HNRNPC: variants seen among roughly 807,000 people sequenced by gnomAD.
HNRNPC encodes heterogeneous nuclear ribonucleoprotein C.
Under a neutral mutation model 33.2 loss-of-function variants are expected in HNRNPC, and 3 were observed. The ratio of observed to expected loss-of-function variants is 0.09; its 90% CI spans 0.04 to 0.23. The LOEUF is 0.23. Among genes scored for constraint, HNRNPC ranks in the 10% least tolerant of loss-of-function variants. The pLI is 1.00. For missense variants in HNRNPC, 143 were observed against 366.7 expected, an observed-to-expected ratio of 0.39 and a Z score of 4.98; for synonymous variants, 121 against 126.7, an observed-to-expected ratio of 0.96 and a Z score of 0.30.
chr14:21,258,747 A>G (rs1877663412), intron 2 of HNRNPC, among the ~76,000 whole-genome samples: 1 of 152,200 alleles, frequency 6.6e-6, no homozygotes, highest in African/African-American at 2.4e-5. Flanking sequence ...ATAATTAGTA[A>G]TTTCCTGGAG....
chr14:21,244,034 T>C (rs983249676), intron 2 of HNRNPC, among the ~76,000 whole-genome samples: 2 of 151,850 alleles, frequency 1.3e-5, no homozygotes, highest in African/African-American at 4.8e-5. Flanking sequence ...CCTCCAAGTT[T>C]TTTTTTTTTT....
chr14:21,230,916 A>G (rs760119615), intron 4 of HNRNPC, 81 bp downstream of exon 4: 1 of 1,496,148 alleles, frequency 6.7e-7, no homozygotes, highest in East Asian at 2.3e-5. Flanking sequence ...GAAGATGCCC[A>G]CTGATGGACA....
At chr14:21,223,770 AAG>A (rs1893114485) in intron 5 of HNRNPC, among the ~76,000 whole-genome samples, 1 of 152,198 alleles carries the variant, frequency 6.6e-6, no homozygotes, top group South Asian at 2.1e-4. Context: ...ACAAACAAAA[AAG>A]ACTAATAACT....
At chr14:21,235,632 A>G (rs984860302) in intron 2 of HNRNPC, among the ~76,000 whole-genome samples, 1 of 152,202 alleles carries the variant, frequency 6.6e-6, no homozygotes, top group Non-Finnish European at 1.5e-5. Flanking sequence ...AGCCACTGAA[A>G]TCCACCAACA....
intron 2 of HNRNPC, among the ~76,000 whole-genome samples, chr14:21,241,585 C>A (rs187724523): frequency 6.6e-6 from 1 of 152,258 alleles, no homozygotes; most frequent in African/African-American, 2.4e-5. Flanking sequence ...CACTTCAAGT[C>A]TTATTTTGCC....
chr14:21,229,639 T>C (rs1316030423), intron 5 of HNRNPC, among the ~76,000 whole-genome samples: 11 of 152,210 alleles, frequency 7.2e-5, no homozygotes, highest in Non-Finnish European at 8.8e-5. Flanking sequence ...GCTGACTTGA[T>C]TCCTTTACAA....
rs776274183 is a variant in HNRNPC, at chr14:21,211,389, T to G, written c.798+17A>C. ...CCCCCTCCACCACCTTTTTCTTTCC[T>G]TTCCCGTGGTTTTCACCTGGTCATC... On this transcript the variant is annotated intron_variant, in intron 8 of 8. Coordinates refer to ENST00000553300, the MANE Select transcript of HNRNPC (RefSeq NM_004500.4). 1 of 1,470,414 alleles carries G rather than the reference T, an allele frequency of 6.8e-7. No individual in the cohort carries two copies. Among genetic ancestry groups the G allele is most frequent in the Non-Finnish European group, 9.1e-7 (1 of 1,094,578 alleles). The allele number at this position is 1,470,414 out of a possible 1,614,324, so 91.1% of individuals were successfully genotyped here. A position where few individuals can be genotyped will look rare whatever the true frequency, so the allele number is the denominator to read the frequency against.
chr14:21,240,571 T>C (rs1188611066), intron 2 of HNRNPC, among the ~76,000 whole-genome samples: 3 of 152,186 alleles, frequency 2.0e-5, no homozygotes, highest in African/African-American at 7.2e-5. Flanking sequence ...TGCTGAGAGC[T>C]GAGCCAAAAT....
chr14:21,253,441 C>T (rs1896880068), intron 2 of HNRNPC, among the ~76,000 whole-genome samples: 1 of 137,982 alleles, frequency 7.2e-6, no homozygotes, highest in Non-Finnish European at 1.5e-5. Context: ...CCACTGCACT[C>T]CAACCTCTAG....
Position 21,251,044 on chromosome 14 carries a change from G to A in HNRNPC, c.-37+12267C>T, listed in dbSNP as rs138637008. Among the ~76,000 whole-genome samples the A allele has an allele frequency of 4.8e-3, 724 of 151,888 alleles. 7 individuals are homozygous for A. Among genetic ancestry groups the A allele is most frequent in the African/African-American group, 0.017 (703 of 41,434 alleles). On this transcript the variant is annotated intron_variant, in intron 2 of 8. Coordinates refer to ENST00000553300, the MANE Select transcript of HNRNPC (RefSeq NM_004500.4). ...TGGGAGGCCGAGGCGGGTAGATCAC[G>A]AGGTCAGGAGATCGAGACCGTCCTG...
chr14:21,244,268 G>A (rs1895692046), intron 2 of HNRNPC, among the ~76,000 whole-genome samples: 1 of 152,194 alleles, frequency 6.6e-6, no homozygotes, highest in Non-Finnish European at 1.5e-5. Flanking sequence ...CAAAAGTGCA[G>A]GGATTATAGG....
chr14:21,220,137 A>G (rs1019112696), intron 5 of HNRNPC, among the ~76,000 whole-genome samples: 4 of 152,094 alleles, frequency 2.6e-5, no homozygotes, highest in African/African-American at 7.2e-5. Context: ...GCCCTCTAAT[A>G]GCTTCCCATC....
intron 2 of HNRNPC, among the ~76,000 whole-genome samples, chr14:21,255,640 T>G (rs1877048651): frequency 6.6e-6 from 1 of 152,188 alleles, no homozygotes; most frequent in Non-Finnish European, 1.5e-5. Flanking sequence ...GCTTTTTAAT[T>G]AGAAGGAAAA....
chr14:21,264,438 A>G (rs969256928), intron 1 of HNRNPC: 7 of 152,202 alleles, frequency 4.6e-5, no homozygotes, highest in African/African-American at 1.7e-4. Flanking sequence ...TTAAAAAAAT[A>G]CTGAATATTT....
chr14:21,228,115 A>C (rs1893685159), intron 5 of HNRNPC, among the ~76,000 whole-genome samples: 1 of 152,184 alleles, frequency 6.6e-6, no homozygotes, highest in African/African-American at 2.4e-5. Flanking sequence ...GTGGTCAAGC[A>C]ATTACCATGT....
intron 5 of HNRNPC, among the ~76,000 whole-genome samples, chr14:21,226,494 A>C (rs1412783324): frequency 2.0e-5 from 3 of 152,072 alleles, no homozygotes; most frequent in Admixed American, 6.5e-5. Flanking sequence ...GTGCATTCCC[A>C]ACATTGTGAT....
At chr14:21,250,952 A>C (rs979411165) in intron 2 of HNRNPC, among the ~76,000 whole-genome samples, 3 of 152,208 alleles carry the variant, frequency 2.0e-5, no homozygotes, top group Non-Finnish European at 4.4e-5. Context: ...AGAAAGGGCC[A>C]ACATTCATTC....
At chr14:21,268,148 C>T (rs1004038317) in intron 1 of HNRNPC, among the ~76,000 whole-genome samples, 1 of 152,128 alleles carries the variant, frequency 6.6e-6, no homozygotes, top group Non-Finnish European at 1.5e-5. Flanking sequence ...CCAGATAAGT[C>T]AATGTGACAC....
At chr14:21,230,207 G>T in intron 5 of HNRNPC, 112 bp downstream of exon 5, 1 of 662,754 alleles carries the variant, frequency 1.5e-6, no homozygotes, top group Admixed American at 3.0e-5. Flanking sequence ...TTGTTTTGGA[G>T]TTAGGGGAGT....
Sources: allele counts gnomAD v4.1 joint callset (sites outside exome capture counted in the v4.1 genomes callset), GRCh38; gene constraint gnomAD v4.1.1; transcripts MANE v1.5; gene names NCBI Gene and HGNC (gene_info 2026-07-23, HGNC 2026-07-21).